Variants in XRN1 observed in about 807,000 individuals in gnomAD.
XRN1 encodes strand-exchange protein 1 homolog.
A neutral mutation model predicts 222.3 loss-of-function variants in XRN1; 67 were observed. The observed-to-expected ratio is 0.30, with a 90% CI of 0.25 to 0.37. The LOEUF is 0.37. Among genes scored for constraint, XRN1 ranks in the 10% least tolerant of loss-of-function variants. XRN1 has a pLI of 1.00. For missense variants in XRN1, 1,707 were observed against 2,000.2 expected (o/e 0.85, Z 2.80); for synonymous variants, 643 against 652.4 (o/e 0.99, Z 0.22).
intron 2 of XRN1, among the ~76,000 whole-genome samples, chr3:142,432,119 A>T (rs1488387175): frequency 1.2e-5 from 1 of 84,472 alleles, no homozygotes; most frequent in Non-Finnish European, 2.5e-5. Context: ...TAAATATATA[A>T]ATATATTTTC....
chr3:142,399,731 T>C (rs1296196752), intron 19 of XRN1, among the ~76,000 whole-genome samples: 1 of 151,236 alleles, frequency 6.6e-6, no homozygotes, highest in East Asian at 1.9e-4. Flanking sequence ...AATGGAGAGA[T>C]GTATGCAGAG....
intron 10 of XRN1, 121 bp downstream of exon 10, chr3:142,420,895 T>G: frequency 1.6e-6 from 2 of 1,271,208 alleles, no homozygotes; most frequent in South Asian, 2.6e-5. Context: ...GAAATGCCTA[T>G]AGAGAGGAAG....
chr3:142,332,161 T>G (rs2065717059), intron 36 of XRN1, among the ~76,000 whole-genome samples: 1 of 152,144 alleles, frequency 6.6e-6, no homozygotes, highest in Non-Finnish European at 1.5e-5. Flanking sequence ...GGCATATACC[T>G]GTAATCCCAG....
intron 20 of XRN1, among the ~76,000 whole-genome samples, chr3:142,395,840 C>T (rs1215709050): frequency 6.6e-6 from 1 of 152,204 alleles, no homozygotes; most frequent in East Asian, 1.9e-4. Flanking sequence ...ATACACACTG[C>T]TTTTCCTCCT....
chr3:142,329,541 C>T lies in XRN1; in HGVS notation c.4297G>A (p.Ala1433Thr). The T allele has an allele frequency of 6.2e-7, 1 of 1,600,002 alleles. No individual in the cohort carries two copies. Among genetic ancestry groups the T allele is most frequent in the Non-Finnish European group, 8.5e-7 (1 of 1,175,042 alleles). ...VQSMDNMCWPAPSQIPPVSTP... is the reference protein window; with the variant it reads ...VQSMDNMCWPTPSQIPPVSTP... ...GATACAGGAGGGATCTGGCTGGGGG[C>T]AGGCCAACACATATTGTCCATAGAC... Residue 1433 changes from alanine to threonine, a missense_variant, in exon 37 of 41, where the codon GCC (alanine) becomes ACC (threonine). Ala to Thr is a moderately conservative substitution (Grantham distance 58). Coordinates refer to ENST00000392981, the MANE Select transcript of XRN1 (RefSeq NM_001282857.2).
rs1194784142 is a variant in XRN1 at position 142,311,799 on chromosome 3, C to G, written c.4797G>C (p.Arg1599Ser). The G allele has an allele frequency of 6.3e-7, 1 of 1,589,356 alleles. No homozygotes were observed. Among genetic ancestry groups the G allele is most frequent in the Non-Finnish European group, 8.5e-7 (1 of 1,169,624 alleles). The change falls in exon 41 of 41, where the codon AGG (arginine) becomes AGC (serine). Residue 1599 changes from arginine to serine, a missense_variant. Transcript: ENST00000392981. ...QFIPLQVTKK[R>S]VANKKNFENK... ...TCTCAAAGTTCTTTTTGTTTGCAAC[C>G]CTTTTTTTAGTAACCTGTTAGGAAT...
chr3:142,412,305 TC>T (rs1352352134), intron 15 of XRN1, among the ~76,000 whole-genome samples: 1 of 152,246 alleles, frequency 6.6e-6, no homozygotes, highest in African/African-American at 2.4e-5. Flanking sequence ...ATAAAATATC[TC>T]TTTATCTCCG....
rs1350611473 is a variant in XRN1, at chr3:142,347,119, G to A, written c.3877+115C>T. The stretch of plus-strand genomic sequence containing the variant: ...GTGAAAATACAAAAAACCACTTATC[G>A]TATACTTTAAAATAATGAATTTACT... On this transcript the variant is annotated intron_variant, in intron 33 of 40. Transcript: ENST00000392981. The A allele has an allele frequency of 2.4e-5, 18 of 765,568 alleles. No individual in the cohort carries two copies. In the East Asian group the frequency reaches 5.0e-4, roughly 21 times the overall value. The allele number at this position is 765,568 out of a possible 1,614,324, so 47.4% of individuals were successfully genotyped here. A position where few individuals can be genotyped will look rare whatever the true frequency, so the allele number is the denominator to read the frequency against.
At chr3:142,382,496 G>C (rs1467571207) in intron 22 of XRN1, among the ~76,000 whole-genome samples, 1 of 152,064 alleles carries the variant, frequency 6.6e-6, no homozygotes, top group Non-Finnish European at 1.5e-5. Context: ...TTGGGCAGTG[G>C]TAGTACCCTC....
chr3:142,379,627 G>C (rs771383891), intron 23 of XRN1, among the ~76,000 whole-genome samples: 5 of 152,232 alleles, frequency 3.3e-5, no homozygotes, highest in East Asian at 3.8e-4. Context: ...TCCTGAAAAA[G>C]ATGCTGTTAA....
chr3:142,383,239 G>A, intron 22 of XRN1, 61 bp downstream of exon 22: 1 of 1,255,268 alleles, frequency 8.0e-7, no homozygotes, highest in South Asian at 1.3e-5. Context: ...TAAATGAAGA[G>A]AAGTTAAGTA....
intron 29 of XRN1, among the ~76,000 whole-genome samples, chr3:142,361,443 T>C (rs1162448766): frequency 6.6e-6 from 1 of 152,154 alleles, no homozygotes; most frequent in Non-Finnish European, 1.5e-5. Flanking sequence ...TGCTATGATG[T>C]ATGTTTAACT....
chr3:142,363,622 TAAA>T, intron 29 of XRN1, among the ~76,000 whole-genome samples: 1 of 152,020 alleles, frequency 6.6e-6, no homozygotes, highest in Non-Finnish European at 1.5e-5. Flanking sequence ...TCTAGCTTTG[TAAA>T]GTTTACTCTA....
intron 32 of XRN1, among the ~76,000 whole-genome samples, chr3:142,354,314 T>C (rs899068042): frequency 3.3e-5 from 5 of 152,146 alleles, no homozygotes; most frequent in African/African-American, 1.2e-4. Flanking sequence ...GGAATGCTTA[T>C]AAACTCCTGG....
intron 39 of XRN1, chr3:142,313,146 T>G: frequency 6.2e-7 from 1 of 1,612,750 alleles, no homozygotes; most frequent in African/African-American, 1.3e-5. Context: ...CTGCCCCCAA[T>G]GCATAGTTGC....
intron 33 of XRN1, among the ~76,000 whole-genome samples, chr3:142,338,468 T>A (rs984991007): frequency 3.9e-5 from 6 of 151,926 alleles, no homozygotes; most frequent in African/African-American, 1.5e-4. Context: ...CCAGGTAGTA[T>A]CCATGTGCCT....
intron 19 of XRN1, among the ~76,000 whole-genome samples, chr3:142,398,948 TACTC>T (rs1354468122): frequency 2.6e-5 from 4 of 152,058 alleles, no homozygotes; most frequent in South Asian, 2.1e-4. Flanking sequence ...ATACCATTCA[TACTC>T]ACTCCAAGAA....
chr3:142,346,282 C>T (rs2066142102), intron 33 of XRN1, among the ~76,000 whole-genome samples: 1 of 152,146 alleles, frequency 6.6e-6, no homozygotes, highest in African/African-American at 2.4e-5. Flanking sequence ...TCAAAATCCA[C>T]ATATGTTCAA....
intron 33 of XRN1, among the ~76,000 whole-genome samples, chr3:142,344,710 G>A (rs1176087639): frequency 6.6e-6 from 1 of 152,120 alleles, no homozygotes; most frequent in African/African-American, 2.4e-5. Context: ...TGTAAGACTT[G>A]CATAACTGAA....
Sources: allele counts gnomAD v4.1 joint callset (sites outside exome capture counted in the v4.1 genomes callset), GRCh38; gene constraint gnomAD v4.1.1; transcripts MANE v1.5; gene names NCBI Gene and HGNC (gene_info 2026-07-23, HGNC 2026-07-21).